The following CRB1 variants were observed in gnomAD, a reference collection of about 807,000 sequenced individuals.
CRB1 encodes protein crumbs homolog 1.
Under a neutral mutation model 120.0 loss-of-function variants are expected in CRB1, and 83 were observed. That is an observed-to-expected ratio of 0.69 (90% CI 0.58 to 0.83). The LOEUF (loss-of-function observed/expected upper bound fraction) is 0.83, where lower values mean the gene tolerates loss of function less well. CRB1 is among the 40% of genes least tolerant of loss of function. The pLI is 0.00. For synonymous variants in CRB1, 625 were observed against 612.5 expected (o/e 1.02, Z -0.30); for missense variants, 1,699 against 1,687.6 (o/e 1.01, Z -0.12).
chr1:197,247,973 G>A, the CRB1 span, among the ~76,000 whole-genome samples: 4 of 151,832 alleles, frequency 2.6e-5, no homozygotes. Flanking sequence ...TATTAACTAG[G>A]AATTATAAAT....
intron 5 of CRB1, among the ~76,000 whole-genome samples, chr1:197,370,244 A>G (rs914054451): frequency 1.3e-5 from 2 of 152,192 alleles, no homozygotes; most frequent in Admixed American, 6.5e-5. Context: ...CACAATGAAA[A>G]AAAACCGCAA....
In CRB1 at chr1:197,372,379, C is replaced by T. The variant is rs573708470; in HGVS notation, c.1171+15366C>T. The stretch of plus-strand genomic sequence containing the variant: ...TACCAATAATGACAGGGGCAATAAA[C>T]GAGCAACACTAACCCCCAAAGGAGA... On this transcript the variant is annotated intron_variant, in intron 5 of 11. Transcript: ENST00000367400. Among the ~76,000 whole-genome samples, 12 of 152,282 alleles carry T rather than the reference C, an allele frequency of 7.9e-5. No individual in the cohort carries two copies. In the South Asian group the frequency reaches 1.2e-3, roughly 16 times the overall value.
At chr1:197,473,960 C>A (rs1213803757) in intron 11 of CRB1, among the ~76,000 whole-genome samples, 1 of 152,034 alleles carries the variant, frequency 6.6e-6, no homozygotes, top group Non-Finnish European at 1.5e-5. Context: ...AATGACATGC[C>A]CTATTTGATA....
In CRB1 at chr1:197,328,989, C is replaced by T; in HGVS notation, c.638C>T (p.Pro213Leu). The T allele has an allele frequency of 6.2e-7, 1 of 1,612,226 alleles. No individual in the cohort carries two copies. Among genetic ancestry groups the T allele is most frequent in the East Asian group, 2.2e-5 (1 of 44,870 alleles). The stretch of plus-strand genomic sequence containing the variant: ...ATAGGAAGATATACTTGTATCTGTC[C>T]CCACAATTATTCTGGTAAGTGTGAT... ...NEIGRYTCIC[P>L]HNYSGVNCEL... is the part of the protein sequence containing the mutation. Residue 213 changes from proline (P) to leucine (L), a missense_variant, in exon 2 of 12, where the codon CCC (proline) becomes CTC (leucine). Transcript: ENST00000367400.
chr1:197,357,270 G>A (rs1306457233), intron 5 of CRB1: 1 of 533,938 alleles, frequency 1.9e-6, no homozygotes, highest in Non-Finnish European at 3.4e-6. Flanking sequence ...GGGAACTGGA[G>A]TGCATCTCAA....
intron 6 of CRB1, among the ~76,000 whole-genome samples, chr1:197,426,610 C>G (rs951830908): frequency 6.6e-6 from 1 of 152,102 alleles, no homozygotes; most frequent in Non-Finnish European, 1.5e-5. Flanking sequence ...ACATCAATAG[C>G]ATTGCCACAG....
At chr1:197,222,826 A>G in the CRB1 span, 386 of 1,511,236 alleles carry the variant, frequency 2.6e-4, 1 homozygote, top group African/African-American at 4.5e-3. Flanking sequence ...CTAGCCAAGG[A>G]TCATTCTCCT....
intron 4 of CRB1, 122 bp downstream of exon 4, chr1:197,347,601 A>T (rs2125333675): frequency 9.3e-7 from 1 of 1,074,826 alleles, no homozygotes; most frequent in Non-Finnish European, 1.4e-6. Flanking sequence ...CTTCTAGCTA[A>T]TATTGTTTAG....
the CRB1 span, among the ~76,000 whole-genome samples, chr1:197,220,809 A>G: frequency 3.3e-5 from 5 of 151,602 alleles, no homozygotes; most frequent in Admixed American, 6.6e-5. Context: ...ACCTTCCCCC[A>G]CCTCTTTTCC....
intron 11 of CRB1, among the ~76,000 whole-genome samples, chr1:197,450,328 G>T (rs1040561266): frequency 5.9e-5 from 9 of 152,136 alleles, no homozygotes; most frequent in African/African-American, 2.4e-5. Context: ...ATTCAGAAGC[G>T]CAGGTTTTAC....
upstream of CRB1, among the ~76,000 whole-genome samples, chr1:197,264,804 T>A (rs896581746): frequency 6.6e-6 from 1 of 151,298 alleles, no homozygotes; most frequent in Non-Finnish European, 1.5e-5. Context: ...GTTTTTTTTT[T>A]AGTAGAGACA....
the CRB1 span, among the ~76,000 whole-genome samples, chr1:197,204,041 T>C: frequency 5.6e-4 from 85 of 152,238 alleles, no homozygotes; most frequent in African/African-American, 1.5e-3. Flanking sequence ...TGAGAACATA[T>C]GATATTTGGT....
the CRB1 span, among the ~76,000 whole-genome samples, chr1:197,248,203 T>G: frequency 6.6e-6 from 1 of 152,032 alleles, no homozygotes; most frequent in Admixed American, 6.6e-5. Flanking sequence ...GGTTTGTGAT[T>G]GGACAAAACT....
At chr1:197,240,387 G>A in the CRB1 span, among the ~76,000 whole-genome samples, 2 of 151,920 alleles carry the variant, frequency 1.3e-5, no homozygotes, top group African/African-American at 2.4e-5. Flanking sequence ...CCTTTGACAG[G>A]CCCTGGTGTG....
At chr1:197,223,438 A>G in the CRB1 span, among the ~76,000 whole-genome samples, 1 of 152,180 alleles carries the variant, frequency 6.6e-6, no homozygotes, top group East Asian at 1.9e-4. Context: ...TGTGAATCAA[A>G]CTGTACAGTG....
At chr1:197,285,337 A>G (rs368013763) in intron 1 of CRB1, among the ~76,000 whole-genome samples, 6 of 151,920 alleles carry the variant, frequency 3.9e-5, no homozygotes, top group African/African-American at 1.4e-4. Context: ...GAAATAAGGG[A>G]TAAGAGAATA....
chr1:197,213,261 G>A, the CRB1 span, among the ~76,000 whole-genome samples: 1 of 152,174 alleles, frequency 6.6e-6, no homozygotes, highest in Non-Finnish European at 1.5e-5. Context: ...TTTTTAAACA[G>A]AACGTCTGTT....
At chr1:197,221,108 G>A in the CRB1 span, among the ~76,000 whole-genome samples, 2 of 152,180 alleles carry the variant, frequency 1.3e-5, no homozygotes, top group Admixed American at 6.5e-5. Flanking sequence ...TGCATAAGGT[G>A]TGTAAAGTGA....
At chr1:197,289,558 T>C (rs958558646) in intron 1 of CRB1, among the ~76,000 whole-genome samples, 1 of 151,848 alleles carries the variant, frequency 6.6e-6, no homozygotes, top group Non-Finnish European at 1.5e-5. Context: ...CCTCGTGGGT[T>C]TGGGGAAAAT....
Sources: gnomAD v4.1 joint callset for allele counts (sites outside exome capture counted in the v4.1 genomes callset) on GRCh38, gnomAD v4.1.1 for gene constraint, MANE v1.5 for transcripts, NCBI Gene and HGNC (gene_info 2026-07-23, HGNC 2026-07-21) for gene names.